The following HACD2 variants were observed in gnomAD, a reference collection of about 807,000 sequenced individuals.
The protein encoded by HACD2 is 3-hydroxyacyl-CoA dehydratase 2.
HACD2 carries 15 observed loss-of-function variants against 31.0 expected under a neutral mutation model. The observed-to-expected ratio is 0.48, with a 90% CI of 0.32 to 0.75. HACD2 has a LOEUF of 0.75. Ranked by LOEUF, HACD2 falls within the 30% of genes least tolerant of loss-of-function variation. The pLI, the probability that HACD2 is intolerant of heterozygous loss-of-function variation, is 0.03. For synonymous variants in HACD2, 115 were observed against 122.2 expected (o/e 0.94, Z 0.39); for missense variants, 283 against 313.0 (o/e 0.90, Z 0.72).
rs2056926654 is a variant in HACD2 at position 123,578,064 on chromosome 3, T to C, written c.273+4148A>G. Among the ~76,000 whole-genome samples, 7 of 152,298 alleles carry C rather than the reference T, an allele frequency of 4.6e-5. No homozygotes were observed. In the South Asian group the frequency reaches 1.5e-3, roughly 32 times the overall value. ...TCTCCCCACAGCCCCTAACAATTCC[T>C]CTACTTTCTGTCACTATGGATTTGC... On this transcript the variant is annotated intron_variant, in intron 2 of 6. Transcript: ENST00000383657.
At chr3:123,577,388 G>A (rs1392285582) in intron 2 of HACD2, among the ~76,000 whole-genome samples, 3 of 152,048 alleles carry the variant, frequency 2.0e-5, no homozygotes, top group Non-Finnish European at 2.9e-5. Context: ...TTGGGAGGCC[G>A]AGGCTGGCGG....
intron 3 of HACD2, among the ~76,000 whole-genome samples, chr3:123,566,441 C>T (rs2056793187): frequency 6.6e-6 from 1 of 151,996 alleles, no homozygotes; most frequent in African/African-American, 2.4e-5. Flanking sequence ...TGCACGACCA[C>T]ACCTGGCTCG....
Position 123,491,797 on chromosome 3 carries a change from T to C in HACD2, c.*3091A>G, listed in dbSNP as rs1221743925. The C allele has an allele frequency of 6.6e-6, 1 of 152,458 alleles. No homozygotes were observed. Among genetic ancestry groups the C allele is most frequent in the African/African-American group, 2.4e-5 (1 of 41,398 alleles). The allele number at this position is 152,458 out of a possible 1,614,324, so 9.4% of individuals were successfully genotyped here. ...TTTGGTTTTCACAACATAGAAAAAATACAAAAATGACTATATATACGGTTG... is the reference window on the plus strand; with the variant it reads ...TTTGGTTTTCACAACATAGAAAAAACACAAAAATGACTATATATACGGTTG... On this transcript the variant is annotated 3_prime_UTR_variant, in exon 7 of 7. Transcript: ENST00000383657.
intron 2 of HACD2, among the ~76,000 whole-genome samples, chr3:123,574,584 T>C (rs2056888465): frequency 6.6e-6 from 1 of 152,166 alleles, no homozygotes; most frequent in South Asian, 2.1e-4. Context: ...ATAAGCTGCC[T>C]ATTGTCTTCC....
chr3:123,532,355 T>A (rs1254346860), intron 3 of HACD2, among the ~76,000 whole-genome samples: 1 of 152,138 alleles, frequency 6.6e-6, no homozygotes, highest in African/African-American at 2.4e-5. Context: ...AAACAGCAGT[T>A]CAGGCCCTCA....
At chr3:123,516,760 G>C (rs1361672221) in intron 4 of HACD2, among the ~76,000 whole-genome samples, 5 of 152,226 alleles carry the variant, frequency 3.3e-5, no homozygotes, top group Non-Finnish European at 7.3e-5. Context: ...CTGCATTTAT[G>C]ACAGGCCAGA....
At chr3:123,581,130 T>C (rs1452130883) in intron 2 of HACD2, among the ~76,000 whole-genome samples, 3 of 152,186 alleles carry the variant, frequency 2.0e-5, no homozygotes, top group African/African-American at 7.2e-5. Context: ...AGATAAATGA[T>C]TTTTTCTTAA....
intron 4 of HACD2, among the ~76,000 whole-genome samples, chr3:123,504,388 A>G (rs1158794003): frequency 6.6e-6 from 1 of 152,242 alleles, no homozygotes; most frequent in Non-Finnish European, 1.5e-5. Flanking sequence ...TTCCAAAAAC[A>G]CTTTGTGCTT....
Position 123,582,195 on chromosome 3 carries a change from T to G in HACD2, c.273+17A>C. 3 of 1,469,230 alleles carry G rather than the reference T, an allele frequency of 2.0e-6. No homozygotes were observed. The highest frequency in any genetic ancestry group is 2.8e-6 in the Non-Finnish European group (3 of 1,074,874). The allele number at this position is 1,469,230 out of a possible 1,614,324, so 91.0% of individuals were successfully genotyped here. A position where few individuals can be genotyped will look rare whatever the true frequency, so the allele number is the denominator to read the frequency against. Reference sequence around the variant, plus strand: ...TACCAATGGAAATCAATAACAACAATAAATCTCAGGACCTACCTCCAATAA... The same window carrying G: ...TACCAATGGAAATCAATAACAACAAGAAATCTCAGGACCTACCTCCAATAA... On this transcript the variant is annotated intron_variant, in intron 2 of 6. Transcript: ENST00000383657.
At chr3:123,519,675 A>C (rs1198753727) in intron 4 of HACD2, among the ~76,000 whole-genome samples, 1 of 152,224 alleles carries the variant, frequency 6.6e-6, no homozygotes, top group African/African-American at 2.4e-5. Context: ...GTATTTCAAA[A>C]TAGATTTATT....
At chr3:123,497,745 A>C (rs944090806) in intron 6 of HACD2, among the ~76,000 whole-genome samples, 1 of 152,186 alleles carries the variant, frequency 6.6e-6, no homozygotes, top group African/African-American at 2.4e-5. Context: ...GGAGAGGAGC[A>C]CCTGGCCAGG....
At chr3:123,517,910 GGGCCGGGCGCGGTGGCTCACGCCTGT>G (rs2056166478) in intron 4 of HACD2, among the ~76,000 whole-genome samples, 5,944 of 61,556 alleles carry the variant, frequency 0.097, 2,274 homozygotes, top group Middle Eastern at 0.17. Flanking sequence ...AAAAATATTT[GGGCCGGGCGCGGTGGCTCACGCCTGT>G]AATCCCAGCA....
intron 4 of HACD2, among the ~76,000 whole-genome samples, chr3:123,510,931 T>TGG (rs1390283785): frequency 1.7e-4 from 2 of 12,086 alleles, no homozygotes; most frequent in African/African-American, 2.8e-4. Flanking sequence ...TCATTTGCTG[T>TGG]GTTTTTTTTT....
chr3:123,553,244 G>C (rs1180515155), intron 3 of HACD2, among the ~76,000 whole-genome samples: 2 of 152,278 alleles, frequency 1.3e-5, no homozygotes, highest in East Asian at 3.9e-4. Flanking sequence ...ATGATAAAAA[G>C]ACCACATATC....
At chr3:123,509,872 G>A (rs2056034505) in intron 4 of HACD2, among the ~76,000 whole-genome samples, 1 of 151,978 alleles carries the variant, frequency 6.6e-6, no homozygotes, top group Admixed American at 6.6e-5. Flanking sequence ...CGGGGAGAAG[G>A]GAGTCAATGT....
chr3:123,533,274 A>C (rs1003764600), intron 3 of HACD2, among the ~76,000 whole-genome samples: 1 of 152,140 alleles, frequency 6.6e-6, no homozygotes, highest in Non-Finnish European at 1.5e-5. Context: ...TCAGATTCCC[A>C]AGTAGCTGGG....
At chr3:123,507,463 ACAGACAAGCCTC>A (rs2055991493) in intron 4 of HACD2, among the ~76,000 whole-genome samples, 2 of 152,202 alleles carry the variant, frequency 1.3e-5, no homozygotes, top group South Asian at 4.1e-4. Flanking sequence ...ATGCTACAAC[ACAGACAAGCCTC>A]CAAAACATCA....
At chr3:123,507,143 C>T (rs1466643536) in intron 4 of HACD2, among the ~76,000 whole-genome samples, 2 of 152,036 alleles carry the variant, frequency 1.3e-5, no homozygotes, top group Admixed American at 1.3e-4. Flanking sequence ...GTGGTCCCAC[C>T]TACTTGGGAG....
At chr3:123,563,002 T>C (rs1285302119) in intron 3 of HACD2, among the ~76,000 whole-genome samples, 1 of 152,208 alleles carries the variant, frequency 6.6e-6, no homozygotes, top group African/African-American at 2.4e-5. Flanking sequence ...GAAATAACTT[T>C]GAAATAAGTT....
Sources: allele counts gnomAD v4.1 joint callset (sites outside exome capture counted in the v4.1 genomes callset), GRCh38; gene constraint gnomAD v4.1.1; transcripts MANE v1.5; gene names NCBI Gene and HGNC (gene_info 2026-07-23, HGNC 2026-07-21).